Variants in GBE1 observed in about 807,000 individuals in gnomAD.
GBE1 encodes 1,4-alpha-glucan branching enzyme 1, also known as 1,4-alpha-glucan-branching enzyme.
In GBE1, 70 loss-of-function variants were observed where a neutral mutation model predicts 88.8. That is an observed-to-expected ratio of 0.79 (90% CI 0.65 to 0.96). The LOEUF (loss-of-function observed/expected upper bound fraction) is 0.96, where lower values mean the gene tolerates loss of function less well. Among genes scored for constraint, GBE1 ranks in the 40% least tolerant of loss-of-function variants. The pLI is 0.00. For missense variants in GBE1, 872 were observed against 871.0 expected, an observed-to-expected ratio of 1.00 and a Z score of -0.01; for synonymous variants, 284 against 300.1, an observed-to-expected ratio of 0.95 and a Z score of 0.56.
At position 81,593,893 on chromosome 3, in the gene GBE1, T is replaced by C; in HGVS notation, c.1108+15A>G. 2.3e-6 allele frequency: 3 copies of C among 1,330,042 alleles called. No homozygotes were observed. Among genetic ancestry groups the C allele is most frequent in the South Asian group, 1.3e-5 (1 of 76,802 alleles). 82.4% of individuals were successfully genotyped at this position (1,330,042 alleles called of 1,614,324 possible). On this transcript the variant is annotated intron_variant, in intron 8 of 15. Transcript: ENST00000429644. Reference sequence around the variant, plus strand: ...CTGCAATTAACCCCAAACCTGATTATATCAGGTTACCTACCCACTCCATGG... The same window carrying C: ...CTGCAATTAACCCCAAACCTGATTACATCAGGTTACCTACCCACTCCATGG...
At chr3:81,658,035 C>G (rs1385372693) in intron 3 of GBE1, among the ~76,000 whole-genome samples, 3 of 152,000 alleles carry the variant, frequency 2.0e-5, no homozygotes, top group African/African-American at 7.2e-5. Context: ...ACTTCTAAAG[C>G]AATAACCTAT....
chr3:81,527,965 C>A (rs1257444679), intron 14 of GBE1, among the ~76,000 whole-genome samples: 1 of 151,940 alleles, frequency 6.6e-6, no homozygotes, highest in Non-Finnish European at 1.5e-5. Context: ...TTGGAACCAA[C>A]CCAAAGGTCC....
At chr3:81,633,177 C>T (rs191381582) in intron 7 of GBE1, among the ~76,000 whole-genome samples, 39 of 152,118 alleles carry the variant, frequency 2.6e-4, no homozygotes, top group Middle Eastern at 6.8e-3. Context: ...TTTCAGAGAA[C>T]GAGGGTGGCT....
At chr3:81,660,743 C>A (rs1705017507) in intron 3 of GBE1, among the ~76,000 whole-genome samples, 1 of 151,912 alleles carries the variant, frequency 6.6e-6, no homozygotes, top group African/African-American at 2.4e-5. Context: ...CTGAACCACA[C>A]ACTTTAAATT....
intron 15 of GBE1, among the ~76,000 whole-genome samples, chr3:81,498,310 A>G (rs1185380640): frequency 6.6e-6 from 1 of 152,114 alleles, no homozygotes; most frequent in East Asian, 1.9e-4. Context: ...TCCTATCTAA[A>G]CCTTTGAAAA....
chr3:81,746,978 C>T (rs373348822), intron 1 of GBE1, among the ~76,000 whole-genome samples: 2 of 152,064 alleles, frequency 1.3e-5, no homozygotes, highest in African/African-American at 4.8e-5. Context: ...TTGGTCAGGT[C>T]GCTTCTCAAT....
At chr3:81,643,055 A>G in intron 6 of GBE1, 65 bp from the exon 7 acceptor site, 1 of 1,091,278 alleles carries the variant, frequency 9.2e-7, no homozygotes, top group Non-Finnish European at 1.4e-6. Context: ...CCGATTGTGC[A>G]GCAATTGTTT....
At chr3:81,676,916 C>T (rs934494314) in intron 2 of GBE1, among the ~76,000 whole-genome samples, 4 of 152,160 alleles carry the variant, frequency 2.6e-5, no homozygotes, top group Non-Finnish European at 4.4e-5. Flanking sequence ...AACACACATT[C>T]GGCAAAGGTG....
Position 81,688,172 on chromosome 3 carries a change from G to A in GBE1, c.314-17219C>T, listed in dbSNP as rs536923135. Among the ~76,000 whole-genome samples, 49 of 152,330 alleles carry A rather than the reference G, an allele frequency of 3.2e-4. 3 individuals are homozygous for A. In the South Asian group the frequency reaches 7.4e-3, roughly 23 times the overall value. ...GCTACTCCGCACTACAGTGGATATA[G>A]CTGACTGGTGCACCAATTAAGAGTG... On this transcript the variant is annotated intron_variant, in intron 2 of 15. Coordinates refer to ENST00000429644, the MANE Select transcript of GBE1 (RefSeq NM_000158.4).
At chr3:81,749,568 T>C (rs1706466811) in intron 1 of GBE1, among the ~76,000 whole-genome samples, 5 of 152,182 alleles carry the variant, frequency 3.3e-5, no homozygotes, top group Admixed American at 3.3e-4. Flanking sequence ...AATATACACA[T>C]GTGATAAAAT....
chr3:81,750,597 ATATGTGTATATATATATATG>A (rs1706497948), intron 1 of GBE1, among the ~76,000 whole-genome samples: 1 of 39,758 alleles, frequency 2.5e-5, no homozygotes, highest in African/African-American at 1.1e-4. Context: ...ACGTATATAT[ATATGTGTATATATATATATG>A]TATATATATA....
intron 12 of GBE1, among the ~76,000 whole-genome samples, chr3:81,541,242 A>G (rs1047807400): frequency 1.8e-4 from 28 of 151,870 alleles, no homozygotes; most frequent in African/African-American, 6.0e-4. Flanking sequence ...TCATCGCACA[A>G]TCTGATTAAA....
At chr3:81,644,826 G>A (rs1238698900) in intron 6 of GBE1, among the ~76,000 whole-genome samples, 2 of 152,154 alleles carry the variant, frequency 1.3e-5, no homozygotes, top group African/African-American at 4.8e-5. Context: ...GGCAGTGGGG[G>A]CAGTTGAAGC....
Position 81,590,936 on chromosome 3 carries a change from G to A in GBE1, c.1236+101C>T, listed in dbSNP as rs183422655. Reference sequence around the variant, plus strand: ...ATACTCAGGGTAGAATTTCATTTACGCAATTATTGACAACATGAGATTGAT... The same window carrying A: ...ATACTCAGGGTAGAATTTCATTTACACAATTATTGACAACATGAGATTGAT... On this transcript the variant is annotated intron_variant, in intron 9 of 15. Coordinates refer to ENST00000429644, the MANE Select transcript of GBE1 (RefSeq NM_000158.4). The A allele has an allele frequency of 5.2e-5, 52 of 992,602 alleles. No individual in the cohort carries two copies. In the African/African-American group the frequency reaches 6.4e-4, roughly 12 times the overall value. The allele number at this position is 992,602 out of a possible 1,614,324, so 61.5% of individuals were successfully genotyped here.
Position 81,514,201 on chromosome 3 carries a change from CTAAA to C in GBE1, c.1935-14978_1935-14975del, listed in dbSNP as rs1478211612. On this transcript the variant is annotated intron_variant, in intron 14 of 15. Coordinates refer to ENST00000429644, the MANE Select transcript of GBE1 (RefSeq NM_000158.4). Reference sequence around the variant, plus strand: ...GGCAAAGTGAAAATTGGCTCTCTCTCTAAATAATAAAGAACACATGAGAAAAAAA... The same window carrying C: ...GGCAAAGTGAAAATTGGCTCTCTCTCTAATAAAGAACACATGAGAAAAAAA... 2.7e-5 allele frequency among the ~76,000 whole-genome samples: 4 copies of C among 148,870 alleles called. No homozygotes were observed. The East Asian group carries it at 8.0e-4, about 30-fold the overall frequency.
In GBE1 at chr3:81,642,783, G is replaced by A. The variant is rs371194644; in HGVS notation, c.990C>T (p.Ser330=). ...DLWDSRLFAY[S]SWEILRFLLS... ...ATTTCTATATTGTATGTACCTACCT[G>A]GAGTAGGCAAACAATCTGCTATCCC... The change falls in exon 7 of 16, where the codon TCC becomes TCT. Residue 330 remains serine, a splice_region_variant and synonymous_variant. Transcript: ENST00000429644. 4.9e-5 allele frequency: 77 copies of A among 1,581,328 alleles called. No homozygotes were observed. The African/African-American group carries it at 9.7e-4, about 20-fold the overall frequency.
intron 12 of GBE1, among the ~76,000 whole-genome samples, chr3:81,546,104 G>GA (rs139449035): frequency 1.4e-4 from 21 of 150,982 alleles, no homozygotes; most frequent in African/African-American, 3.4e-4. Context: ...ATATGTAAAG[G>GA]AAAAAAAACA....
At chr3:81,750,837 C>T (rs1428723624) in intron 1 of GBE1, among the ~76,000 whole-genome samples, 34 of 149,962 alleles carry the variant, frequency 2.3e-4, no homozygotes, top group East Asian at 3.9e-4. Flanking sequence ...CGTGCCACCA[C>T]GCCCGGCTAA....
chr3:81,745,046 TG>T (rs1215915554), intron 1 of GBE1, among the ~76,000 whole-genome samples: 3 of 152,174 alleles, frequency 2.0e-5, no homozygotes, highest in African/African-American at 7.2e-5. Context: ...TGTGTTTATT[TG>T]CCTAACTGAG....
Sources: allele counts gnomAD v4.1 joint callset (sites outside exome capture counted in the v4.1 genomes callset), GRCh38; gene constraint gnomAD v4.1.1; transcripts MANE v1.5; gene names NCBI Gene and HGNC (gene_info 2026-07-23, HGNC 2026-07-21).